AGFG1: variants seen among roughly 807,000 people sequenced by gnomAD.
AGFG1 encodes the protein ArfGAP with FG repeats 1, also known as arf-GAP domain and FG repeat-containing protein 1.
Under a neutral mutation model 60.6 loss-of-function variants are expected in AGFG1, and 10 were observed. The observed-to-expected ratio is 0.16, with a 90% CI of 0.10 to 0.28. The LOEUF is 0.28. Among genes scored for constraint, AGFG1 ranks in the 10% least tolerant of loss-of-function variants. The pLI is 1.00. For synonymous variants in AGFG1, 247 were observed against 242.9 expected (o/e 1.02, Z -0.16); for missense variants, 537 against 676.5 (o/e 0.79, Z 2.29).
At chr2:227,512,573 C>T (rs75798509) in intron 2 of AGFG1, among the ~76,000 whole-genome samples, 8,263 of 152,082 alleles carry the variant, frequency 0.054, 296 homozygotes, top group African/African-American at 0.09. Context: ...TTTTCTCCCT[C>T]GTTTATTCCT....
chr2:227,515,179 G>A (rs983913906), intron 2 of AGFG1, among the ~76,000 whole-genome samples: 3 of 151,990 alleles, frequency 2.0e-5, no homozygotes, highest in Non-Finnish European at 4.4e-5. Context: ...TTTGGGCCTC[G>A]CAAAGTGCTG....
At chr2:227,552,927 G>A (rs1207480073) in intron 11 of AGFG1, among the ~76,000 whole-genome samples, 3 of 150,804 alleles carry the variant, frequency 2.0e-5, no homozygotes, top group East Asian at 3.9e-4. Context: ...GCTTGAACCC[G>A]GGAGGCGGAG....
intron 2 of AGFG1, among the ~76,000 whole-genome samples, chr2:227,519,643 G>A (rs547922343): frequency 6.6e-6 from 1 of 152,288 alleles, no homozygotes. Context: ...AGGGAACTGA[G>A]CAGGTTACAT....
intron 11 of AGFG1, among the ~76,000 whole-genome samples, chr2:227,552,599 G>A (rs571507188): frequency 1.7e-4 from 26 of 151,160 alleles, no homozygotes; most frequent in South Asian, 2.1e-4. Flanking sequence ...ACATTTTTAC[G>A]TATTTCATTT....
intron 1 of AGFG1, among the ~76,000 whole-genome samples, chr2:227,478,126 T>C (rs1034026633): frequency 3.3e-5 from 4 of 122,296 alleles, no homozygotes; most frequent in Non-Finnish European, 5.3e-5. Flanking sequence ...CCATGTGCCG[T>C]AATTCTCGTG....
rs5839218 is a variant in AGFG1, at chr2:227,553,495, CAA to C, written c.1538-193_1538-192del. Among the ~76,000 whole-genome samples, 352 of 120,224 alleles carry C rather than the reference CAA, an allele frequency of 2.9e-3. 2 individuals are homozygous for C. The highest frequency in any genetic ancestry group is 0.011 in the African/African-American group (327 of 29,880). 78.9% of individuals were successfully genotyped at this position (120,224 alleles called of 152,430 possible). On this transcript the variant is annotated intron_variant, in intron 11 of 12. Transcript: ENST00000310078. ...TGGGTAATAGAGTGAGATCATGTCTCAAAAAAAAAAAAAAAAAGGTTATTTTA... is the reference window on the plus strand; with the variant it reads ...TGGGTAATAGAGTGAGATCATGTCTCAAAAAAAAAAAAAAAGGTTATTTTA...
At chr2:227,497,990 T>G (rs536203743) in intron 2 of AGFG1, among the ~76,000 whole-genome samples, 1 of 152,198 alleles carries the variant, frequency 6.6e-6, no homozygotes, top group East Asian at 1.9e-4. Context: ...GGGAAACCAC[T>G]TTTCCCTGAC....
At chr2:227,533,429 A>G in intron 6 of AGFG1, 120 bp from the exon 7 acceptor site, 1 of 895,970 alleles carries the variant, frequency 1.1e-6, no homozygotes, top group Non-Finnish European at 1.7e-6. Context: ...CCAGTCATTG[A>G]TTTTAATGTT....
chr2:227,515,511 C>T (rs1248563948), intron 2 of AGFG1, among the ~76,000 whole-genome samples: 1 of 152,136 alleles, frequency 6.6e-6, no homozygotes, highest in East Asian at 1.9e-4. Context: ...CACTAAATCC[C>T]TTTGTTATCC....
chr2:227,521,888 GATA>G (rs1691837446), intron 3 of AGFG1, among the ~76,000 whole-genome samples: 1 of 152,098 alleles, frequency 6.6e-6, no homozygotes, highest in African/African-American at 2.4e-5. Flanking sequence ...TGAGAAACAG[GATA>G]ATAAGAGTTA....
Position 227,533,735 on chromosome 2 carries a change from A to C in AGFG1, c.1001A>C (p.Asp334Ala). 1 of 1,613,702 alleles carries C rather than the reference A, an allele frequency of 6.2e-7. No homozygotes were observed. Among genetic ancestry groups the C allele is most frequent in the Non-Finnish European group, 8.5e-7 (1 of 1,179,732 alleles). ...ADKYAALANL[D>A]NIFSAGQGGD... ...AAATATGCAGCACTTGCTAATTTAG[A>C]CAATATCTTCAGTGCCGGGCAAGGT... Residue 334 changes from aspartate to alanine, a missense_variant, in exon 7 of 13, where the codon GAC becomes GCC. Physicochemically the swap from Asp to Ala is moderately radical, Grantham distance 126. Around this residue, in one of 4 missense-constraint regions of AGFG1, gnomAD observed 287 missense variants for 343.6 expected, o/e 0.84. Transcript: ENST00000310078.
intron 2 of AGFG1, among the ~76,000 whole-genome samples, chr2:227,513,252 G>A (rs1691547172): frequency 6.6e-6 from 1 of 152,156 alleles, no homozygotes. Context: ...ATTATCATGA[G>A]TTGGCTGCTG....
At chr2:227,500,386 G>C (rs1236688626) in intron 2 of AGFG1, among the ~76,000 whole-genome samples, 1 of 152,180 alleles carries the variant, frequency 6.6e-6, no homozygotes, top group Non-Finnish European at 1.5e-5. Flanking sequence ...TCTAATGGCA[G>C]CATAGTGTCA....
chr2:227,484,731 TCTCA>T (rs1165856678), intron 1 of AGFG1, among the ~76,000 whole-genome samples: 1 of 123,730 alleles, frequency 8.1e-6, no homozygotes, highest in East Asian at 2.6e-4. Context: ...TGAGATGGAG[TCTCA>T]CTCTGTTACC....
chr2:227,551,339 T>C (rs969525608), intron 10 of AGFG1, among the ~76,000 whole-genome samples: 1 of 152,126 alleles, frequency 6.6e-6, no homozygotes, highest in Non-Finnish European at 1.5e-5. Context: ...TGTGTGTGTA[T>C]GGAATTGATT....
At chr2:227,482,047 A>G in intron 1 of AGFG1, among the ~76,000 whole-genome samples, 1 of 151,820 alleles carries the variant, frequency 6.6e-6, no homozygotes, top group African/African-American at 2.4e-5. Context: ...TTGTATTTTT[A>G]GTAAAGACGG....
At chr2:227,498,079 A>C (rs1022742607) in intron 2 of AGFG1, among the ~76,000 whole-genome samples, 6 of 152,176 alleles carry the variant, frequency 3.9e-5, no homozygotes, top group Non-Finnish European at 8.8e-5. Flanking sequence ...GTATATAGGA[A>C]AACATTTTGA....
chr2:227,518,390 C>A (rs1231261832), intron 2 of AGFG1, among the ~76,000 whole-genome samples: 1 of 152,144 alleles, frequency 6.6e-6, no homozygotes, highest in African/African-American at 2.4e-5. Context: ...TTCCAAAGTG[C>A]TTACACCATT....
intron 2 of AGFG1, among the ~76,000 whole-genome samples, chr2:227,497,044 A>G (rs957821442): frequency 1.1e-4 from 17 of 152,230 alleles, no homozygotes; most frequent in Middle Eastern, 3.4e-3. Flanking sequence ...ATTTACAGCT[A>G]TTCTGTTGCC....
Sources: gnomAD v4.1 joint callset for allele counts (sites outside exome capture counted in the v4.1 genomes callset) on GRCh38, gnomAD v4.1.1 for gene constraint, gnomAD v4.1.1 regional missense constraint, MANE v1.5 for transcripts, NCBI Gene and HGNC (gene_info 2026-07-23, HGNC 2026-07-21) for gene names.